GPC6: variants seen among roughly 807,000 people sequenced by gnomAD.
GPC6 encodes the protein glypican-6.
Under a neutral mutation model 55.2 loss-of-function variants are expected in GPC6, and 14 were observed. The ratio of observed to expected loss-of-function variants is 0.25; its 90% confidence interval spans 0.17 to 0.40. The LOEUF is 0.40. Ranked by LOEUF, GPC6 falls within the 10% of genes least tolerant of loss-of-function variation. GPC6 has a pLI of 1.00. For synonymous variants in GPC6, 278 were observed against 259.6 expected (o/e 1.07, Z -0.68); for missense variants, 641 against 708.5 (o/e 0.90, Z 1.08).
chr13:93,929,036 C>G (rs907236219), intron 3 of GPC6, among the ~76,000 whole-genome samples: 1 of 152,194 alleles, frequency 6.6e-6, no homozygotes, highest in Non-Finnish European at 1.5e-5. Flanking sequence ...GGAGAAAACA[C>G]TGTGTTCTGT....
In GPC6 at chr13:94,398,539, C is replaced by T. The variant is rs372486780; in HGVS notation, c.1363C>T (p.Arg455Trp). 2.5e-6 allele frequency: 4 copies of T among 1,613,682 alleles called. No homozygotes were observed. The highest frequency in any genetic ancestry group is 2.2e-5 in the South Asian group (2 of 91,068). ...TCCCGAGGTGGATGTGGACATCACT[C>T]GGCCTGACACTTTCATCAGACAGCA... ...NNPEVDVDIT[R>W]PDTFIRQQIM... is the part of the protein sequence containing the mutation. Residue 455 changes from arginine to tryptophan, a missense_variant, in exon 8 of 9, where the codon CGG becomes TGG. Coordinates refer to ENST00000377047, the MANE Select transcript of GPC6 (RefSeq NM_005708.5).
At chr13:93,996,780 G>T (rs1304349147) in intron 3 of GPC6, among the ~76,000 whole-genome samples, 1 of 152,140 alleles carries the variant, frequency 6.6e-6, no homozygotes, top group Non-Finnish European at 1.5e-5. Flanking sequence ...TCTTGAAATT[G>T]CATTTGTTTT....
intron 3 of GPC6, among the ~76,000 whole-genome samples, chr13:93,975,673 G>A (rs1180490460): frequency 6.6e-6 from 1 of 152,138 alleles, no homozygotes; most frequent in Non-Finnish European, 1.5e-5. Flanking sequence ...CTGCTATCCT[G>A]ATCCTGGTGT....
chr13:94,293,825 A>G (rs974380313), intron 5 of GPC6, among the ~76,000 whole-genome samples: 1 of 152,208 alleles, frequency 6.6e-6, no homozygotes, highest in Non-Finnish European at 1.5e-5. Context: ...CCAGCATGCC[A>G]TGCTGTTTCC....
intron 1 of GPC6, among the ~76,000 whole-genome samples, chr13:93,305,662 T>G (rs1415446520): frequency 1.3e-5 from 2 of 152,184 alleles, no homozygotes; most frequent in Admixed American, 1.3e-4. Flanking sequence ...CAGCTTTCAC[T>G]TCCTTTCTTC....
intron 3 of GPC6, among the ~76,000 whole-genome samples, chr13:93,964,861 T>C (rs565505762): frequency 2.9e-4 from 44 of 152,276 alleles, no homozygotes; most frequent in Non-Finnish European, 5.0e-4. Context: ...GTAATTCTCA[T>C]TCTGTTCCGC....
intron 1 of GPC6, among the ~76,000 whole-genome samples, chr13:93,329,241 TTTTC>T (rs1275080632): frequency 6.6e-6 from 1 of 152,064 alleles, no homozygotes; most frequent in Non-Finnish European, 1.5e-5. Flanking sequence ...ACAGATAAAA[TTTTC>T]TTTCTTTCCC....
intron 6 of GPC6, among the ~76,000 whole-genome samples, chr13:94,337,543 GT>G (rs531167979): frequency 1.5e-4 from 23 of 151,916 alleles, no homozygotes; most frequent in Non-Finnish European, 2.8e-4. Flanking sequence ...CACCTCCTGG[GT>G]TCAAGCGATT....
intron 4 of GPC6, among the ~76,000 whole-genome samples, chr13:94,266,779 A>G (rs777589116): frequency 3.9e-5 from 6 of 152,178 alleles, no homozygotes; most frequent in Admixed American, 6.5e-5. Context: ...ACAGAGTCCT[A>G]TATCTCACAG....
intron 4 of GPC6, among the ~76,000 whole-genome samples, chr13:94,038,764 T>C (rs1451412228): frequency 6.6e-6 from 1 of 151,640 alleles, no homozygotes; most frequent in Non-Finnish European, 1.5e-5. Flanking sequence ...CCTGTGAAGG[T>C]ATGAACAGAA....
chr13:94,253,697 T>G (rs1018135804), intron 4 of GPC6, among the ~76,000 whole-genome samples: 2 of 152,060 alleles, frequency 1.3e-5, no homozygotes, highest in Non-Finnish European at 2.9e-5. Context: ...CTACATCTGG[T>G]TAGTCATATT....
chr13:93,668,658 A>C (rs1881238410), intron 2 of GPC6, among the ~76,000 whole-genome samples: 1 of 152,202 alleles, frequency 6.6e-6, no homozygotes, highest in Non-Finnish European at 1.5e-5. Flanking sequence ...GTGCAGCCAC[A>C]GGCCAAGCAA....
chr13:93,846,817 A>G (rs1017377478), intron 3 of GPC6, among the ~76,000 whole-genome samples: 1 of 152,178 alleles, frequency 6.6e-6, no homozygotes, highest in Non-Finnish European at 1.5e-5. Context: ...TTGTGCTTAT[A>G]GCACATTTGG....
chr13:93,663,896 A>C (rs1032072569), intron 2 of GPC6, among the ~76,000 whole-genome samples: 2 of 152,212 alleles, frequency 1.3e-5, no homozygotes, highest in African/African-American at 4.8e-5. Flanking sequence ...TCCTTACCAA[A>C]ACCAAATTTT....
chr13:94,169,115 G>C (rs1888472041), intron 4 of GPC6, among the ~76,000 whole-genome samples: 1 of 152,188 alleles, frequency 6.6e-6, no homozygotes, highest in Non-Finnish European at 1.5e-5. Flanking sequence ...GCTTGAGCAA[G>C]TTTACCTTTT....
At chr13:94,219,359 A>T (rs1426258916) in intron 4 of GPC6, among the ~76,000 whole-genome samples, 1 of 152,178 alleles carries the variant, frequency 6.6e-6, no homozygotes, top group African/African-American at 2.4e-5. Context: ...TAGTACCCAC[A>T]TGGGTAGTAG....
chr13:93,262,054 A>G (rs758458836), intron 1 of GPC6, among the ~76,000 whole-genome samples: 9 of 152,134 alleles, frequency 5.9e-5, no homozygotes, highest in Non-Finnish European at 1.3e-4. Flanking sequence ...TGACTACAAG[A>G]CTATGACATA....
At chr13:93,607,959 C>G (rs1397619398) in intron 2 of GPC6, among the ~76,000 whole-genome samples, 1 of 152,190 alleles carries the variant, frequency 6.6e-6, no homozygotes, top group Non-Finnish European at 1.5e-5. Flanking sequence ...TCAAATTCTG[C>G]CTTCCTTATA....
chr13:94,277,221 C>T (rs147961983), intron 4 of GPC6, among the ~76,000 whole-genome samples: 6 of 151,806 alleles, frequency 4.0e-5, no homozygotes, highest in East Asian at 1.9e-4. Flanking sequence ...GTTTGTTGTC[C>T]GCATAAATGT....
Sources: allele counts gnomAD v4.1 joint callset (sites outside exome capture counted in the v4.1 genomes callset), GRCh38; gene constraint gnomAD v4.1.1; transcripts MANE v1.5; gene names NCBI Gene and HGNC (gene_info 2026-07-23, HGNC 2026-07-21).